Variants in TIAM2 observed in about 807,000 individuals in gnomAD.
TIAM2 encodes rho guanine nucleotide exchange factor TIAM2.
In TIAM2, 80 loss-of-function variants were observed where a neutral mutation model predicts 152.9. The ratio of observed to expected loss-of-function variants is 0.52; its 90% confidence interval spans 0.44 to 0.63. The LOEUF (loss-of-function observed/expected upper bound fraction) is 0.63, where lower values mean the gene tolerates loss of function less well. Among genes scored for constraint, TIAM2 ranks in the 30% least tolerant of loss-of-function variants. TIAM2 has a pLI of 0.00. For synonymous variants in TIAM2, 804 were observed against 838.0 expected (o/e 0.96, Z 0.70); for missense variants, 1,965 against 2,120.1 (o/e 0.93, Z 1.44).
chr6:155,076,821 G>A (rs1047133692), intron 1 of TIAM2, among the ~76,000 whole-genome samples: 5 of 152,114 alleles, frequency 3.3e-5, no homozygotes, highest in East Asian at 1.9e-4. Flanking sequence ...TTAGCCTCCC[G>A]AGTAGCTGGG....
intron 1 of TIAM2, among the ~76,000 whole-genome samples, chr6:155,065,534 T>G (rs901522060): frequency 6.6e-6 from 1 of 151,978 alleles, no homozygotes; most frequent in Admixed American, 6.6e-5. Flanking sequence ...TCCCAGCACT[T>G]TGGGAGGCGG....
chr6:155,133,677 C>T (rs2095381), intron 4 of TIAM2, among the ~76,000 whole-genome samples: 24,739 of 151,714 alleles, frequency 0.16, 4,800 homozygotes, highest in African/African-American at 0.47. Flanking sequence ...TCAGATTCCA[C>T]GTATAAGTGG....
At chr6:155,244,558 T>C (rs1783213513) in intron 17 of TIAM2, 100 bp from the exon 18 acceptor site, 1 of 1,410,902 alleles carries the variant, frequency 7.1e-7, no homozygotes, top group Non-Finnish European at 9.7e-7. Context: ...TGCTTTTCCG[T>C]GAAGAATTTC....
intron 1 of TIAM2, among the ~76,000 whole-genome samples, chr6:155,060,839 G>A (rs1202031434): frequency 6.6e-6 from 1 of 152,230 alleles, no homozygotes; most frequent in Non-Finnish European, 1.5e-5. Context: ...AGGTTGCAGT[G>A]AGCCGAGATC....
chr6:155,140,150 A>T (rs984342820), intron 5 of TIAM2, among the ~76,000 whole-genome samples: 1 of 152,200 alleles, frequency 6.6e-6, no homozygotes, highest in Admixed American at 6.5e-5. Context: ...TGCAAAGGAG[A>T]TGACAGTGTC....
intron 15 of TIAM2, among the ~76,000 whole-genome samples, chr6:155,231,084 C>T (rs1464178458): frequency 2.6e-5 from 4 of 152,040 alleles, no homozygotes; most frequent in African/African-American, 7.2e-5. Context: ...TCAAGTGATC[C>T]GCCCACCTTG....
At chr6:155,130,658 G>A (rs1277154312) in intron 4 of TIAM2, among the ~76,000 whole-genome samples, 9 of 152,152 alleles carry the variant, frequency 5.9e-5, no homozygotes, top group African/African-American at 9.7e-5. Flanking sequence ...GTCAGCTTGG[G>A]CAGCAAACAA....
At chr6:155,165,552 C>A (rs1780408052) in intron 9 of TIAM2, 143 bp downstream of exon 9, 5 of 1,216,888 alleles carry the variant, frequency 4.1e-6, no homozygotes, top group Non-Finnish European at 5.6e-6. Flanking sequence ...GTAATTCTAG[C>A]ACACTGGGAG....
chr6:155,128,294 A>AT (rs1334608594), intron 3 of TIAM2, among the ~76,000 whole-genome samples: 2 of 151,844 alleles, frequency 1.3e-5, no homozygotes, highest in East Asian at 1.9e-4. Flanking sequence ...GAGAGCTCTT[A>AT]TTTTTTCCCC....
At chr6:155,250,793 TAAA>T in intron 21 of TIAM2, 117 bp from the exon 22 acceptor site, 1 of 1,211,800 alleles carries the variant, frequency 8.3e-7, no homozygotes, top group South Asian at 1.3e-5. Flanking sequence ...ACAGGTATCA[TAAA>T]AATTAAACCA....
At chr6:155,123,574 A>G (rs1779222865) in intron 2 of TIAM2, among the ~76,000 whole-genome samples, 5 of 152,348 alleles carry the variant, frequency 3.3e-5, no homozygotes, top group African/African-American at 9.6e-5. Flanking sequence ...TTGCAAAAGT[A>G]GTAAGATGAG....
intron 1 of TIAM2, among the ~76,000 whole-genome samples, chr6:155,080,302 A>G (rs780209350): frequency 4.6e-5 from 7 of 151,910 alleles, no homozygotes; most frequent in Non-Finnish European, 8.8e-5. Flanking sequence ...AGTGGGAGGA[A>G]ATGAAAACAC....
chr6:155,109,186 G>A (rs1041575214), intron 2 of TIAM2, among the ~76,000 whole-genome samples: 7 of 151,980 alleles, frequency 4.6e-5, no homozygotes, highest in South Asian at 4.2e-4. Context: ...GGGTTTCACC[G>A]TGTTAGCCAG....
At chr6:155,221,135 AAAAAC>A (rs1782031067) in intron 15 of TIAM2, among the ~76,000 whole-genome samples, 1 of 145,632 alleles carries the variant, frequency 6.9e-6, no homozygotes, top group African/African-American at 2.5e-5. Context: ...TGAAAAAAAA[AAAAAC>A]AAAAAAAAAC....
intron 1 of TIAM2, among the ~76,000 whole-genome samples, chr6:155,055,283 C>T (rs1346741885): frequency 2.0e-5 from 3 of 152,156 alleles, no homozygotes; most frequent in Non-Finnish European, 4.4e-5. Flanking sequence ...GACATTCCAG[C>T]GTCCTCTCAC....
rs184909995 is a variant in TIAM2 at position 155,191,949 on chromosome 6, T to C, written c.3064+8449T>C. ...TTCGAATCCCCAGAACCTGTGAATA[T>C]GGCAAAAGGGATTTTAAATTTCAAA... On this transcript the variant is annotated intron_variant, in intron 14 of 26. Transcript: ENST00000682666. Among the ~76,000 whole-genome samples the C allele has an allele frequency of 1.2e-3, 179 of 152,318 alleles. 2 individuals carry two copies. The South Asian group carries it at 0.013, about 11-fold the overall frequency.
At chr6:155,170,324 A>C (rs1780554880) in intron 9 of TIAM2, among the ~76,000 whole-genome samples, 1 of 142,182 alleles carries the variant, frequency 7.0e-6, no homozygotes, top group Non-Finnish European at 1.6e-5. Context: ...TAACAATGTA[A>C]AATTCTTACT....
intron 2 of TIAM2, among the ~76,000 whole-genome samples, chr6:155,102,152 A>G (rs1778565190): frequency 6.6e-6 from 1 of 151,376 alleles, no homozygotes; most frequent in African/African-American, 2.4e-5. Context: ...GCGTGCCACC[A>G]TGCCTGGCTA....
At chr6:155,024,652 T>TAAAAAAAAAAAAA (rs58181899) in intron 1 of TIAM2, among the ~76,000 whole-genome samples, 1 of 146,936 alleles carries the variant, frequency 6.8e-6, no homozygotes. Context: ...TCCATGTCTT[T>TAAAAAAAAAAAAA]AAAAAAAAAA....
Sources: allele counts gnomAD v4.1 joint callset (sites outside exome capture counted in the v4.1 genomes callset), GRCh38; gene constraint gnomAD v4.1.1; transcripts MANE v1.5; gene names NCBI Gene and HGNC (gene_info 2026-07-23, HGNC 2026-07-21).